WDR72: variants seen among roughly 807,000 people sequenced by gnomAD.
WDR72 encodes the protein WD repeat-containing protein 72.
A neutral mutation model predicts 124.2 loss-of-function variants in WDR72; 120 were observed. That is an observed-to-expected ratio of 0.97 (90% CI 0.83 to 1.12). WDR72 has a LOEUF of 1.12. WDR72 is among the 50% of genes most tolerant of loss of function. The pLI, the probability that WDR72 is intolerant of heterozygous loss-of-function variation, is 0.00. For synonymous variants in WDR72, 452 were observed against 441.7 expected, an observed-to-expected ratio of 1.02 and a Z score of -0.29; for missense variants, 1,387 against 1,278.8, an observed-to-expected ratio of 1.08 and a Z score of -1.29.
At chr15:53,540,314 T>A (rs1276288209) in intron 18 of WDR72, among the ~76,000 whole-genome samples, 1 of 152,100 alleles carries the variant, frequency 6.6e-6, no homozygotes, top group East Asian at 1.9e-4. Context: ...TGTACTTAAG[T>A]GCACATGAAA....
intron 18 of WDR72, among the ~76,000 whole-genome samples, chr15:53,567,417 C>T (rs1894341060): frequency 6.6e-6 from 1 of 151,980 alleles, no homozygotes; most frequent in Non-Finnish European, 1.5e-5. Flanking sequence ...CTCCCCAACT[C>T]CCTCATAAGG....
intron 9 of WDR72, 37 bp downstream of exon 9, chr15:53,710,820 A>C (rs758874121): frequency 6.6e-7 from 1 of 1,517,054 alleles, no homozygotes; most frequent in Admixed American, 1.7e-5. Flanking sequence ...AAACTGAGTG[A>C]AACAGCTTTG....
At chr15:53,642,242 T>C (rs1368384772) in intron 14 of WDR72, among the ~76,000 whole-genome samples, 1 of 152,010 alleles carries the variant, frequency 6.6e-6, no homozygotes, top group East Asian at 1.9e-4. Flanking sequence ...TATTAGCATA[T>C]AGTCCCAAAT....
chr15:53,613,901 T>C, intron 15 of WDR72, 144 bp from the exon 16 acceptor site: 1 of 608,492 alleles, frequency 1.6e-6, no homozygotes, highest in South Asian at 1.9e-5. Context: ...TTCACATCAA[T>C]TTCTCTTGTG....
intron 1 of WDR72, among the ~76,000 whole-genome samples, chr15:53,757,955 G>C (rs924632897): frequency 1.3e-5 from 2 of 150,282 alleles, no homozygotes; most frequent in Non-Finnish European, 3.0e-5. Context: ...TTCACACACA[G>C]GGAGAAACTT....
At chr15:53,691,620 CAGATAGATAG>C in intron 13 of WDR72, among the ~76,000 whole-genome samples, 1 of 145,496 alleles carries the variant, frequency 6.9e-6, no homozygotes, top group East Asian at 2.1e-4. Context: ...GACAGACAGA[CAGATAGATAG>C]ATAGATAGAT....
intron 13 of WDR72, among the ~76,000 whole-genome samples, chr15:53,670,076 A>C (rs1487536233): frequency 6.6e-6 from 1 of 152,196 alleles, no homozygotes; most frequent in Non-Finnish European, 1.5e-5. Context: ...CCTTCAAAGT[A>C]GGTGTGCAAA....
At position 53,614,982 on chromosome 15, in the gene WDR72, G is replaced by A. The variant is rs375850584; in HGVS notation, c.2780+444C>T. On this transcript the variant is annotated intron_variant, in intron 15 of 19. Coordinates refer to ENST00000360509, the MANE Select transcript of WDR72 (RefSeq NM_182758.4). ...AAATTTGAGGTATGAAATTTTCAAAGTTTTCCTTCTCTGACGATATAAAAA... is the reference window on the plus strand; with the variant it reads ...AAATTTGAGGTATGAAATTTTCAAAATTTTCCTTCTCTGACGATATAAAAA... Among the ~76,000 whole-genome samples the A allele has an allele frequency of 2.1e-4, 32 of 151,918 alleles. No homozygotes were observed. The South Asian group carries it at 6.4e-3, about 31-fold the overall frequency.
intron 18 of WDR72, among the ~76,000 whole-genome samples, chr15:53,592,364 G>A (rs926834280): frequency 1.3e-5 from 2 of 152,032 alleles, no homozygotes; most frequent in African/African-American, 4.8e-5. Context: ...GAGTTTCCCT[G>A]TAGGGTAGTC....
At chr15:53,723,064 G>C (rs1017623049) in intron 2 of WDR72, among the ~76,000 whole-genome samples, 156 bp from the exon 3 acceptor site, 1 of 152,164 alleles carries the variant, frequency 6.6e-6, no homozygotes, top group Non-Finnish European at 1.5e-5. Flanking sequence ...AACATCCACA[G>C]AGTAATAAAC....
intron 13 of WDR72, among the ~76,000 whole-genome samples, chr15:53,668,762 CG>C (rs2015865055): frequency 6.6e-6 from 1 of 151,530 alleles, no homozygotes; most frequent in Admixed American, 6.6e-5. Flanking sequence ...AAAAATTAGC[CG>C]GACATGGTGG....
intron 17 of WDR72, among the ~76,000 whole-genome samples, chr15:53,604,880 A>G (rs1051045802): frequency 1.3e-5 from 2 of 152,208 alleles, no homozygotes; most frequent in African/African-American, 2.4e-5. Context: ...ACGCTTATAC[A>G]TTGTTGGTGG....
chr15:53,748,855 T>C (rs938531698), intron 1 of WDR72, among the ~76,000 whole-genome samples: 1 of 152,260 alleles, frequency 6.6e-6, no homozygotes, highest in African/African-American at 2.4e-5. Context: ...CTGATTTCTC[T>C]TCTTTGGTCC....
chr15:53,732,051 A>C (rs982043270), intron 2 of WDR72, among the ~76,000 whole-genome samples: 8 of 152,200 alleles, frequency 5.3e-5, no homozygotes, highest in African/African-American at 1.4e-4. Flanking sequence ...TTAATGTTTT[A>C]ATTTTCAAAG....
chr15:53,671,637 C>T (rs1025210748), intron 13 of WDR72, among the ~76,000 whole-genome samples: 9 of 152,176 alleles, frequency 5.9e-5, no homozygotes, highest in Non-Finnish European at 4.4e-5. Context: ...GAAATATGCA[C>T]TATAAACTTA....
At chr15:53,746,903 A>C (rs1186677207) in intron 1 of WDR72, among the ~76,000 whole-genome samples, 1 of 152,232 alleles carries the variant, frequency 6.6e-6, no homozygotes, top group Non-Finnish European at 1.5e-5. Context: ...CAGCAGAGTA[A>C]AGTGGCTTGG....
At chr15:53,563,595 C>A (rs959570236) in intron 18 of WDR72, among the ~76,000 whole-genome samples, 2 of 151,204 alleles carry the variant, frequency 1.3e-5, no homozygotes, top group African/African-American at 4.9e-5. Context: ...TTATTAATAC[C>A]CCCAAACTAG....
At chr15:53,677,065 C>T (rs1005857887) in intron 13 of WDR72, among the ~76,000 whole-genome samples, 1 of 151,754 alleles carries the variant, frequency 6.6e-6, no homozygotes, top group Non-Finnish European at 1.5e-5. Context: ...GGACTACAGG[C>T]ACCCTCCCGC....
chr15:53,687,587 A>G (rs1209002246), intron 13 of WDR72, among the ~76,000 whole-genome samples: 3 of 148,472 alleles, frequency 2.0e-5, no homozygotes, highest in Admixed American at 1.3e-4. Flanking sequence ...ACCAACCAAA[A>G]AGAGTCCAGG....
Sources: allele counts gnomAD v4.1 joint callset (sites outside exome capture counted in the v4.1 genomes callset), GRCh38; gene constraint gnomAD v4.1.1; transcripts MANE v1.5; gene names NCBI Gene and HGNC (gene_info 2026-07-23, HGNC 2026-07-21).